Variants in CSMD1 observed in about 807,000 individuals in gnomAD.
CSMD1 encodes CUB and sushi domain-containing protein 1.
Under a neutral mutation model 417.5 loss-of-function variants are expected in CSMD1, and 213 were observed. The observed-to-expected ratio is 0.51, with a 90% CI of 0.46 to 0.57. The LOEUF is 0.57. Among genes scored for constraint, CSMD1 ranks in the 20% least tolerant of loss-of-function variants. The pLI is 0.00. For missense variants in CSMD1, 6,923 were observed against 4,529.7 expected (o/e 1.53, Z -15.17); for synonymous variants, 2,862 against 1,736.8 (o/e 1.65, Z -16.11).
intron 3 of CSMD1, among the ~76,000 whole-genome samples, chr8:4,155,649 T>C (rs776618773): frequency 6.6e-6 from 1 of 152,180 alleles, no homozygotes; most frequent in Non-Finnish European, 1.5e-5. Context: ...GATGACATAA[T>C]ACACATTCAA....
intron 5 of CSMD1, among the ~76,000 whole-genome samples, chr8:3,992,165 A>C (rs561392473): frequency 1.3e-5 from 2 of 150,858 alleles, no homozygotes; most frequent in African/African-American, 4.9e-5. Flanking sequence ...ATATATTTTT[A>C]TTGTTAGATA....
At chr8:3,725,098 G>A (rs537779412) in intron 6 of CSMD1, among the ~76,000 whole-genome samples, 1 of 152,190 alleles carries the variant, frequency 6.6e-6, no homozygotes, top group Non-Finnish European at 1.5e-5. Context: ...ATAGCGGTTT[G>A]GAAGGTGAGT....
intron 3 of CSMD1, among the ~76,000 whole-genome samples, chr8:4,388,244 T>C (rs977457684): frequency 5.3e-5 from 8 of 150,652 alleles, no homozygotes; most frequent in Admixed American, 1.3e-4. Context: ...GAATTCACAA[T>C]TGCAAAATCA....
intron 3 of CSMD1, among the ~76,000 whole-genome samples, chr8:4,408,924 A>G (rs1214581747): frequency 3.9e-5 from 6 of 152,216 alleles, no homozygotes; most frequent in Non-Finnish European, 8.8e-5. Context: ...CAAGAACATC[A>G]GAAATCATAA....
chr8:3,265,475 T>G (rs1385581363), intron 26 of CSMD1, among the ~76,000 whole-genome samples: 3 of 152,126 alleles, frequency 2.0e-5, no homozygotes, highest in South Asian at 4.1e-4. Context: ...CAGAGTGGTG[T>G]TTAACCGCAA....
At chr8:3,092,857 G>C (rs547285816) in intron 47 of CSMD1, among the ~76,000 whole-genome samples, 193 of 152,258 alleles carry the variant, frequency 1.3e-3, no homozygotes, top group Non-Finnish European at 2.4e-3. Context: ...GCATTTCACA[G>C]TTCACTCCTA....
intron 2 of CSMD1, among the ~76,000 whole-genome samples, chr8:4,436,302 ATC>A (rs1286123687): frequency 2.0e-5 from 3 of 152,044 alleles, no homozygotes; most frequent in South Asian, 2.1e-4. Flanking sequence ...TTTTCATCTT[ATC>A]TGTTTTTGTC....
At chr8:3,672,710 T>C (rs1395744040) in intron 7 of CSMD1, among the ~76,000 whole-genome samples, 5 of 152,116 alleles carry the variant, frequency 3.3e-5, no homozygotes, top group African/African-American at 1.2e-4. Context: ...GGCATGGTGG[T>C]GGTTTGAAAT....
At chr8:4,920,737 C>T (rs1055775765) in intron 1 of CSMD1, among the ~76,000 whole-genome samples, 1 of 151,690 alleles carries the variant, frequency 6.6e-6, no homozygotes, top group Admixed American at 6.6e-5. Context: ...GCAGGAGAAT[C>T]ACTTGAACCC....
At chr8:4,812,189 T>C (rs995295822) in intron 1 of CSMD1, among the ~76,000 whole-genome samples, 1 of 152,216 alleles carries the variant, frequency 6.6e-6, no homozygotes, top group Non-Finnish European at 1.5e-5. Flanking sequence ...TAAACACAGC[T>C]GTCTGTTCAC....
intron 3 of CSMD1, among the ~76,000 whole-genome samples, chr8:4,294,654 T>A (rs1797564338): frequency 6.6e-6 from 1 of 152,152 alleles, no homozygotes. Flanking sequence ...ATATTCATGT[T>A]TCTTGGTATT....
intron 3 of CSMD1, among the ~76,000 whole-genome samples, chr8:4,365,722 T>C (rs1439547480): frequency 6.6e-6 from 1 of 152,200 alleles, no homozygotes; most frequent in East Asian, 1.9e-4. Flanking sequence ...CCACGTGCTT[T>C]AGGCTGAGCT....
intron 34 of CSMD1, 28 bp downstream of exon 34, chr8:3,189,884 C>T (rs375611222): frequency 4.5e-6 from 7 of 1,541,654 alleles, no homozygotes; most frequent in South Asian, 1.2e-5. Flanking sequence ...AGAGTTCTGG[C>T]GGGCAGCCGC....
intron 3 of CSMD1, among the ~76,000 whole-genome samples, chr8:4,128,793 A>G (rs886909258): frequency 2.0e-5 from 3 of 152,186 alleles, no homozygotes; most frequent in Non-Finnish European, 4.4e-5. Flanking sequence ...CTTGCTGGAT[A>G]CTTATATCCT....
chr8:2,990,868 G>A (rs980247598), intron 54 of CSMD1, among the ~76,000 whole-genome samples: 18 of 152,210 alleles, frequency 1.2e-4, no homozygotes, highest in African/African-American at 4.1e-4. Flanking sequence ...CTTCGCATCT[G>A]TTAGCTGAGC....
intron 1 of CSMD1, among the ~76,000 whole-genome samples, chr8:4,839,937 A>C (rs897056751): frequency 2.7e-4 from 41 of 152,332 alleles, no homozygotes; most frequent in African/African-American, 9.9e-4. Context: ...TCTACAACAC[A>C]GACCCGGAGA....
intron 3 of CSMD1, among the ~76,000 whole-genome samples, chr8:4,241,444 G>T (rs551137667): frequency 2.0e-5 from 3 of 152,136 alleles, no homozygotes; most frequent in Non-Finnish European, 4.4e-5. Context: ...TATTATCTCA[G>T]TCACTACATC....
intron 3 of CSMD1, among the ~76,000 whole-genome samples, chr8:4,038,045 G>C (rs1359450743): frequency 1.3e-5 from 2 of 151,904 alleles, no homozygotes; most frequent in Admixed American, 1.3e-4. Context: ...AAGTATCAGA[G>C]GCTTAAAATT....
intron 1 of CSMD1, among the ~76,000 whole-genome samples, chr8:4,758,947 G>A (rs1811847062): frequency 2.0e-5 from 3 of 152,212 alleles, no homozygotes; most frequent in African/African-American, 7.2e-5. Context: ...AGCAGACGGT[G>A]GAGGGTTTGC....
Sources: gnomAD v4.1 joint callset for allele counts (sites outside exome capture counted in the v4.1 genomes callset) on GRCh38, gnomAD v4.1.1 for gene constraint, MANE v1.5 for transcripts, NCBI Gene and HGNC (gene_info 2026-07-23, HGNC 2026-07-21) for gene names.